The following PWWP2B variants were observed in gnomAD, a reference collection of about 807,000 sequenced individuals.
PWWP2B encodes PWWP domain containing 2B.
In PWWP2B, 9 loss-of-function variants were observed where a neutral mutation model predicts 15.5. That is an observed-to-expected ratio of 0.58 (90% confidence interval 0.35 to 1.02). PWWP2B has a LOEUF of 1.02. Among genes scored for constraint, PWWP2B ranks in the 50% least tolerant of loss-of-function variants. The probability of loss-of-function intolerance (pLI) is 0.02; values close to 1 mark genes in which losing one functional copy is unlikely to be tolerated. For missense variants in PWWP2B, 864 were observed against 865.3 expected (o/e 1.00, Z 0.02); for synonymous variants, 474 against 403.6 (o/e 1.17, Z -2.09).
rs2069880544 is a variant in PWWP2B, at chr10:132,417,673, G to C, written c.*629G>C. On this transcript the variant is annotated 3_prime_UTR_variant, in exon 3 of 3. Transcript: ENST00000305233. ...GAGCGTGGGGCCCGCTGGGCACCTG[G>C]CACCTGGCCTGCAGATGCTGCTACG... 6.5e-6 allele frequency: 1 copy of C among 154,264 alleles called. No homozygotes were observed. The highest frequency in any genetic ancestry group is 2.4e-5 in the African/African-American group (1 of 41,488). The allele number at this position is 154,264 out of a possible 1,614,324, so 9.6% of individuals were successfully genotyped here.
chr10:132,410,661 A>C (rs2069766589), intron 2 of PWWP2B, among the ~76,000 whole-genome samples: 1 of 152,066 alleles, frequency 6.6e-6, no homozygotes, highest in Non-Finnish European at 1.5e-5. Context: ...GTGAGGGCCA[A>C]CGGGGCACCT....
chr10:132,401,687 C>T (rs569233271), intron 1 of PWWP2B, among the ~76,000 whole-genome samples: 17 of 152,390 alleles, frequency 1.1e-4, no homozygotes, highest in African/African-American at 2.4e-4. Flanking sequence ...GTGCCAGCGC[C>T]GTCCCCGTGC....
chr10:132,414,495 A>C (rs1404951181), intron 2 of PWWP2B, among the ~76,000 whole-genome samples: 2 of 152,136 alleles, frequency 1.3e-5, no homozygotes, highest in Non-Finnish European at 2.9e-5. Flanking sequence ...CGGATCCCCC[A>C]AACAGCCCTC....
At chr10:132,400,041 T>C (rs2069595121) in intron 1 of PWWP2B, among the ~76,000 whole-genome samples, 1 of 152,196 alleles carries the variant, frequency 6.6e-6, no homozygotes, top group Non-Finnish European at 1.5e-5. Context: ...CCCCAGACAC[T>C]GCCTGTCCCG....
chr10:132,411,767 C>G (rs1297408678), intron 2 of PWWP2B, among the ~76,000 whole-genome samples: 2 of 152,248 alleles, frequency 1.3e-5, no homozygotes, highest in Non-Finnish European at 2.9e-5. Flanking sequence ...GGGCCAGAAG[C>G]AGCGACGCCG....
chr10:132,405,250 C>T lies in PWWP2B; in HGVS notation c.750C>T (p.Ser250=). 6.2e-7 allele frequency: 1 copy of T among 1,609,922 alleles called. No homozygotes were observed. The highest frequency in any genetic ancestry group is 8.5e-7 in the Non-Finnish European group (1 of 1,178,928). Residue 250 remains serine, a synonymous_variant, in exon 2 of 3, where the codon AGC becomes AGT. Transcript: ENST00000305233. Reference sequence around the variant, plus strand: ...CCCCGGCAGAGCAGGTCCCGCGGAGCCCGGTCATCAAGATCTCCTACAGCA... The same window carrying T: ...CCCCGGCAGAGCAGGTCCCGCGGAGTCCGGTCATCAAGATCTCCTACAGCA... ...DRAPAEQVPR[S]PVIKISYSTP...
rs201568045 is a variant in PWWP2B at position 132,404,711 on chromosome 10, G to C, written c.211G>C (p.Glu71Gln). Residue 71 changes from glutamate (E) to glutamine (Q), a missense_variant, in exon 2 of 3, where the codon GAG becomes CAG. By Grantham distance (29) the Glu-to-Gln change is conservative (BLOSUM62 2). Around this residue, in one of 2 missense-constraint regions of PWWP2B, gnomAD observed 736 missense variants for 687.7 expected, o/e 1.07. Coordinates refer to ENST00000305233, the MANE Select transcript of PWWP2B (RefSeq NM_138499.4). ...CAACGACAGCCATGGCCGGGCTCCC[G>C]AGGAGGGGGATGCAGAGGTGATGCA... The part of the protein sequence containing the change: ...PVNDSHGRAP[E>Q]EGDAEVMQLG... The C allele has an allele frequency of 5.6e-6, 9 of 1,611,876 alleles. No individual in the cohort carries two copies. The East Asian group carries it at 2.0e-4, about 36-fold the overall frequency.
chr10:132,414,478 G>T (rs750314022), intron 2 of PWWP2B, among the ~76,000 whole-genome samples: 23 of 152,166 alleles, frequency 1.5e-4, no homozygotes, highest in Non-Finnish European at 2.6e-4. Flanking sequence ...ACCAGCTGTG[G>T]CCTCTGCGGA....
At chr10:132,398,695 T>A (rs1214678725) in intron 1 of PWWP2B, among the ~76,000 whole-genome samples, 1 of 152,150 alleles carries the variant, frequency 6.6e-6, no homozygotes, top group African/African-American at 2.4e-5. Context: ...CACCACCGCC[T>A]CCCCTTCATG....
At chr10:132,408,927 C>T (rs1345337669) in intron 2 of PWWP2B, among the ~76,000 whole-genome samples, 3 of 152,232 alleles carry the variant, frequency 2.0e-5, no homozygotes, top group African/African-American at 4.8e-5. Context: ...GCACATCGGC[C>T]TCAGCAGGGG....
intron 2 of PWWP2B, among the ~76,000 whole-genome samples, chr10:132,415,374 G>A (rs113634900): frequency 0.049 from 6,482 of 131,490 alleles, 185 homozygotes; most frequent in Middle Eastern, 0.16. Context: ...TGTCACACAC[G>A]TCACTCACAC....
intron 2 of PWWP2B, among the ~76,000 whole-genome samples, chr10:132,407,378 A>G (rs1026384333): frequency 6.6e-6 from 1 of 152,186 alleles, no homozygotes; most frequent in Non-Finnish European, 1.5e-5. Context: ...GGGCAGGGGC[A>G]GGGCTCCGCC....
intron 1 of PWWP2B, among the ~76,000 whole-genome samples, chr10:132,401,580 G>C (rs1194732167): frequency 6.6e-6 from 1 of 152,226 alleles, no homozygotes; most frequent in Non-Finnish European, 1.5e-5. Flanking sequence ...CTGTCCCTAG[G>C]GGGTGGGTGT....
At chr10:132,407,195 C>T (rs1376093975) in intron 2 of PWWP2B, among the ~76,000 whole-genome samples, 1 of 152,160 alleles carries the variant, frequency 6.6e-6, no homozygotes, top group African/African-American at 2.4e-5. Flanking sequence ...GCTCCAGAGG[C>T]CTTCTCAGCA....
intron 2 of PWWP2B, among the ~76,000 whole-genome samples, chr10:132,408,473 G>T (rs747414966): frequency 6.6e-6 from 1 of 152,196 alleles, no homozygotes; most frequent in Non-Finnish European, 1.5e-5. Flanking sequence ...GGTGTGGGGC[G>T]CTGCTGGCCA....
At position 132,404,944 on chromosome 10, in the gene PWWP2B, C is replaced by G; in HGVS notation, c.444C>G (p.Ile148Met). 6.3e-7 allele frequency: 1 copy of G among 1,593,696 alleles called. No homozygotes were observed. Among genetic ancestry groups the G allele is most frequent in the African/African-American group, 1.3e-5 (1 of 74,842 alleles). ...LWVPQPPPRT[I>M]KRTRRRLSRN... ...TGCCCCAGCCGCCGCCCAGGACCAT[C>G]AAGCGCACGCGGCGGCGTCTGTCCC... The change falls in exon 2 of 3, where the codon ATC (isoleucine) becomes ATG (methionine). Residue 148 changes from isoleucine to methionine, a missense_variant. Transcript: ENST00000305233.
Position 132,405,170 on chromosome 10 carries a change from AC to A in PWWP2B, c.671del (p.Thr224ArgfsTer93). Reference protein sequence around the residue: ...KPEEPENGEPTAAATARRSKR... With the variant: ...KPEEPENGEPXAAATARRSKR... ...GGAGGAGCCGGAGAACGGCGAGCCCACGGCTGCGGCCACCGCCAGGAGGAGC... is the reference window on the plus strand; with the variant it reads ...GGAGGAGCCGGAGAACGGCGAGCCCAGGCTGCGGCCACCGCCAGGAGGAGC... On this transcript the variant is annotated frameshift_variant, in exon 2 of 3. Transcript: ENST00000305233. LOFTEE classifies it high-confidence loss of function. 6.4e-7 allele frequency: 1 copy of A among 1,552,378 alleles called. No individual in the cohort carries two copies. The highest frequency in any genetic ancestry group is 8.7e-7 in the Non-Finnish European group (1 of 1,148,636).
Position 132,404,797 on chromosome 10 carries a change from CGA to C in PWWP2B, c.299_300del (p.Glu100AlafsTer79). Reference sequence around the variant, plus strand: ...TTCAGCCCCCCGAGACCACCCGCCCCGAGCCACCCCCGCCCCTCGTGCCGCCG... The same window carrying C: ...TTCAGCCCCCCGAGACCACCCGCCCCGCCACCCCCGCCCCTCGTGCCGCCG... Reference protein sequence around the residue: ...GVQPPETTRPEPPPPLVPPLP... With the variant: ...GVQPPETTRPXPPPPLVPPLP... On this transcript the variant is annotated frameshift_variant, in exon 2 of 3. Transcript: ENST00000305233. LOFTEE classifies it high-confidence loss of function. 2 of 1,516,068 alleles carry C rather than the reference CGA, an allele frequency of 1.3e-6. No homozygotes were observed. Among genetic ancestry groups the C allele is most frequent in the Non-Finnish European group, 1.8e-6 (2 of 1,116,880 alleles). The allele number at this position is 1,516,068 out of a possible 1,614,324, so 93.9% of individuals were successfully genotyped here.
Position 132,397,357 on chromosome 10 carries a change from C to A in PWWP2B, c.125+6C>A, listed in dbSNP as rs761773362. 7.5e-7 allele frequency: 1 copy of A among 1,324,598 alleles called. No individual in the cohort carries two copies. Among genetic ancestry groups the A allele is most frequent in the African/African-American group, 1.5e-5 (1 of 65,972 alleles). 82.1% of individuals were successfully genotyped at this position (1,324,598 alleles called of 1,614,324 possible). A position where few individuals can be genotyped will look rare whatever the true frequency, so the allele number is the denominator to read the frequency against. On this transcript the variant is annotated splice_donor_region_variant and intron_variant, in intron 1 of 2. Coordinates refer to ENST00000305233, the MANE Select transcript of PWWP2B (RefSeq NM_138499.4). ...CTGCTGGACTGCACGAAAAAGTGAG[C>A]GGGGGCGCGGGCCGGGACACCCCCG...
Sources: allele counts gnomAD v4.1 joint callset (sites outside exome capture counted in the v4.1 genomes callset), GRCh38; gene constraint gnomAD v4.1.1; regional missense constraint gnomAD v4.1.1; transcripts MANE v1.5; gene names NCBI Gene and HGNC (gene_info 2026-07-23, HGNC 2026-07-21).